The following LMX1A variants were observed in gnomAD, a reference collection of about 807,000 sequenced individuals.
LMX1A encodes LIM homeobox transcription factor 1 alpha.
LMX1A carries 15 observed loss-of-function variants against 49.1 expected under a neutral mutation model. The observed-to-expected ratio is 0.31, with a 90% CI of 0.20 to 0.47. LMX1A has a LOEUF of 0.47. LMX1A is among the 20% of genes least tolerant of loss of function. The probability of loss-of-function intolerance (pLI) is 1.00; values close to 1 mark genes in which losing one functional copy is unlikely to be tolerated. For missense variants in LMX1A, 372 were observed against 475.8 expected (o/e 0.78, Z 2.03); for synonymous variants, 167 against 185.7 (o/e 0.90, Z 0.82).
At chr1:165,319,692 C>T (rs1031293993) in intron 3 of LMX1A, among the ~76,000 whole-genome samples, 2 of 151,992 alleles carry the variant, frequency 1.3e-5, no homozygotes, top group Non-Finnish European at 2.9e-5. Flanking sequence ...AGACTGTACA[C>T]ATCATATAAA....
chr1:165,312,800 T>C (rs1193521883), intron 3 of LMX1A, among the ~76,000 whole-genome samples: 1 of 152,236 alleles, frequency 6.6e-6, no homozygotes, highest in African/African-American at 2.4e-5. Flanking sequence ...CCATCCTTGC[T>C]GAGCCCTACC....
intron 3 of LMX1A, among the ~76,000 whole-genome samples, chr1:165,317,873 T>A (rs1469570459): frequency 6.6e-6 from 1 of 152,250 alleles, no homozygotes; most frequent in African/African-American, 2.4e-5. Flanking sequence ...TTATGCTGTA[T>A]AAATTCAGGA....
chr1:165,346,837 T>G (rs1656260565), intron 3 of LMX1A, among the ~76,000 whole-genome samples: 2 of 152,184 alleles, frequency 1.3e-5, no homozygotes, highest in African/African-American at 4.8e-5. Flanking sequence ...CCGATATAGC[T>G]CTAATCCTCC....
chr1:165,209,080 T>A (rs1422508052), intron 6 of LMX1A, among the ~76,000 whole-genome samples: 1 of 152,200 alleles, frequency 6.6e-6, no homozygotes, highest in Admixed American at 6.5e-5. Flanking sequence ...TTTGTAAAAA[T>A]TTTCTTTATT....
chr1:165,239,905 A>G (rs1394912863), intron 4 of LMX1A, among the ~76,000 whole-genome samples: 1 of 152,254 alleles, frequency 6.6e-6, no homozygotes, highest in African/African-American at 2.4e-5. Context: ...CACAGTAAGT[A>G]TCATTAAGAC....
At position 165,249,742 on chromosome 1, in the gene LMX1A, A is replaced by T. The variant is rs73029244; in HGVS notation, c.264-102T>A. 4,581 of 765,014 alleles carry T rather than the reference A, an allele frequency of 6.0e-3. 139 individuals carry two copies. In the African/African-American group the frequency reaches 0.068, roughly 11 times the overall value. 47.4% of individuals were successfully genotyped at this position (765,014 alleles called of 1,614,324 possible). Reference sequence around the variant, plus strand: ...AGCAAAAGGAACTTCAAGAACTGGGATATGAACGTTAGAATGGAATGTACT... The same window carrying T: ...AGCAAAAGGAACTTCAAGAACTGGGTTATGAACGTTAGAATGGAATGTACT... On this transcript the variant is annotated intron_variant, in intron 3 of 8. Transcript: ENST00000342310.
At chr1:165,339,945 A>C (rs1170463708) in intron 3 of LMX1A, among the ~76,000 whole-genome samples, 1 of 152,048 alleles carries the variant, frequency 6.6e-6, no homozygotes, top group East Asian at 1.9e-4. Flanking sequence ...CCTTCATTCT[A>C]TCTCTACCCC....
chr1:165,282,338 G>A (rs1322005851), intron 3 of LMX1A, among the ~76,000 whole-genome samples: 1 of 152,060 alleles, frequency 6.6e-6, no homozygotes, highest in Non-Finnish European at 1.5e-5. Flanking sequence ...AAACTCTCAG[G>A]TGCTCAAGTC....
Position 165,213,632 on chromosome 1 carries a change from C to T in LMX1A, c.669+9G>A. 1 of 1,612,936 alleles carries T rather than the reference C, an allele frequency of 6.2e-7. No individual in the cohort carries two copies. The highest frequency in any genetic ancestry group is 1.7e-4 in the Middle Eastern group (1 of 5,816). On this transcript the variant is annotated intron_variant, in intron 5 of 8. Coordinates refer to ENST00000342310, the MANE Select transcript of LMX1A (RefSeq NM_177398.4). ...CCCAGCTCCTTTTCCTCCCTGCTCC[C>T]TCCTATACCTTCCTGCAGGGCTTGG...
chr1:165,215,616 T>C (rs1651614249), intron 4 of LMX1A, among the ~76,000 whole-genome samples: 1 of 152,226 alleles, frequency 6.6e-6, no homozygotes, highest in Admixed American at 6.5e-5. Context: ...GTTCTCATTT[T>C]TGGCTCTGCC....
At chr1:165,312,909 A>G (rs1382560940) in intron 3 of LMX1A, among the ~76,000 whole-genome samples, 1 of 152,226 alleles carries the variant, frequency 6.6e-6, no homozygotes, top group East Asian at 1.9e-4. Flanking sequence ...AGGAATTTAT[A>G]TTTAGACTTC....
intron 3 of LMX1A, among the ~76,000 whole-genome samples, chr1:165,319,936 C>T (rs1044227547): frequency 6.6e-6 from 1 of 152,172 alleles, no homozygotes; most frequent in Non-Finnish European, 1.5e-5. Context: ...AACTCTCAAT[C>T]ACATGGACCA....
At chr1:165,317,070 C>A (rs2101739786) in intron 3 of LMX1A, among the ~76,000 whole-genome samples, 1 of 152,284 alleles carries the variant, frequency 6.6e-6, no homozygotes, top group African/African-American at 2.4e-5. Flanking sequence ...TTCTGAACCC[C>A]CTCCATCATC....
intron 3 of LMX1A, among the ~76,000 whole-genome samples, chr1:165,281,018 C>T (rs1317466123): frequency 1.3e-5 from 2 of 152,118 alleles, no homozygotes; most frequent in Non-Finnish European, 2.9e-5. Flanking sequence ...GTGGCACCAT[C>T]CCACCCCAGA....
intron 3 of LMX1A, among the ~76,000 whole-genome samples, chr1:165,347,962 A>G (rs1420669664): frequency 1.6e-5 from 2 of 127,392 alleles, no homozygotes; most frequent in Admixed American, 8.6e-5. Context: ...CACTCTCTCC[A>G]AAAACCTTCC....
intron 3 of LMX1A, among the ~76,000 whole-genome samples, chr1:165,310,054 A>G (rs751144248): frequency 3.9e-5 from 6 of 152,256 alleles, no homozygotes; most frequent in South Asian, 4.1e-4. Flanking sequence ...TTTGAATCCC[A>G]GTATTATAAC....
At chr1:165,311,574 C>T (rs967937363) in intron 3 of LMX1A, among the ~76,000 whole-genome samples, 6 of 152,188 alleles carry the variant, frequency 3.9e-5, no homozygotes, top group Non-Finnish European at 8.8e-5. Context: ...ATAGGCATAC[C>T]ATACCAAGGG....
chr1:165,335,170 C>T (rs963051810), intron 3 of LMX1A, among the ~76,000 whole-genome samples: 3 of 152,202 alleles, frequency 2.0e-5, no homozygotes, highest in Non-Finnish European at 4.4e-5. Flanking sequence ...TGACCTTCCT[C>T]TCTTTTAAGC....
At chr1:165,272,688 G>A (rs1259260359) in intron 3 of LMX1A, among the ~76,000 whole-genome samples, 1 of 152,172 alleles carries the variant, frequency 6.6e-6, no homozygotes, top group African/African-American at 2.4e-5. Flanking sequence ...CCTGGCGAGT[G>A]CTGAAATAGG....
Sources: gnomAD v4.1 joint callset for allele counts (sites outside exome capture counted in the v4.1 genomes callset) on GRCh38, gnomAD v4.1.1 for gene constraint, MANE v1.5 for transcripts, NCBI Gene and HGNC (gene_info 2026-07-23, HGNC 2026-07-21) for gene names.